PID1: variants seen among roughly 807,000 people sequenced by gnomAD.
PID1 encodes phosphotyrosine interaction domain containing 1.
Under a neutral mutation model 19.1 loss-of-function variants are expected in PID1, and 10 were observed. The observed-to-expected ratio is 0.52, with a 90% CI of 0.32 to 0.89. PID1 has a LOEUF of 0.89. PID1 is among the 40% of genes least tolerant of loss of function. PID1 has a pLI of 0.03. For missense variants in PID1, 248 were observed against 285.3 expected, an observed-to-expected ratio of 0.87 and a Z score of 0.94; for synonymous variants, 130 against 116.0, an observed-to-expected ratio of 1.12 and a Z score of -0.78.
intron 1 of PID1, among the ~76,000 whole-genome samples, chr2:229,184,390 T>C (rs1281294523): frequency 2.6e-5 from 2 of 76,134 alleles, no homozygotes; most frequent in Non-Finnish European, 5.1e-5. Flanking sequence ...CTATCCCGTA[T>C]ATATCTATCC....
At chr2:229,048,451 T>C (rs1031950777) in intron 2 of PID1, among the ~76,000 whole-genome samples, 2 of 152,160 alleles carry the variant, frequency 1.3e-5, no homozygotes, top group Non-Finnish European at 2.9e-5. Flanking sequence ...TGGCATTTAT[T>C]TTTGCTCTCA....
chr2:229,090,803 A>G (rs1385222683), intron 2 of PID1, among the ~76,000 whole-genome samples: 6 of 152,186 alleles, frequency 3.9e-5, no homozygotes, highest in Non-Finnish European at 8.8e-5. Context: ...TCACACATAT[A>G]ATTATTTATT....
At chr2:229,170,375 A>G (rs1038739280) in intron 1 of PID1, among the ~76,000 whole-genome samples, 4 of 152,206 alleles carry the variant, frequency 2.6e-5, no homozygotes, top group Non-Finnish European at 4.4e-5. Flanking sequence ...GTCAGAGCCC[A>G]GATTCTCTAA....
At chr2:229,215,205 C>T (rs1480234163) in intron 1 of PID1, among the ~76,000 whole-genome samples, 1 of 152,220 alleles carries the variant, frequency 6.6e-6, no homozygotes, top group African/African-American at 2.4e-5. Flanking sequence ...GGCAGGGGAA[C>T]TCTAACTATT....
intron 2 of PID1, among the ~76,000 whole-genome samples, chr2:229,031,424 G>A (rs751604403): frequency 6.6e-6 from 1 of 151,714 alleles, no homozygotes; most frequent in Admixed American, 6.6e-5. Flanking sequence ...GGGTGTGGTG[G>A]TGCACGCCTG....
intron 2 of PID1, among the ~76,000 whole-genome samples, chr2:229,071,645 G>A (rs1694456613): frequency 6.6e-6 from 1 of 152,152 alleles, no homozygotes; most frequent in South Asian, 2.1e-4. Context: ...TCTATTTGGT[G>A]TAATTAAAAC....
chr2:229,116,921 A>G (rs1376358239), intron 2 of PID1, among the ~76,000 whole-genome samples: 1 of 152,024 alleles, frequency 6.6e-6, no homozygotes, highest in South Asian at 2.1e-4. Flanking sequence ...TCCCCACCCT[A>G]AACTTTGTCA....
intron 1 of PID1, among the ~76,000 whole-genome samples, chr2:229,183,324 C>G (rs1218904617): frequency 2.0e-5 from 3 of 152,190 alleles, no homozygotes; most frequent in Non-Finnish European, 4.4e-5. Context: ...CTTCCAGCCT[C>G]CCAAACTGTG....
At position 229,111,370 on chromosome 2, in the gene PID1, T is replaced by G. The variant is rs550521621; in HGVS notation, c.177+44448A>C. Among the ~76,000 whole-genome samples the G allele has an allele frequency of 1.9e-3, 297 of 152,312 alleles. 1 individual carries two copies. Among genetic ancestry groups the G allele is most frequent in the Admixed American group, 3.9e-3 (60 of 15,298 alleles). On this transcript the variant is annotated intron_variant, in intron 2 of 2. Transcript: ENST00000392055. Reference sequence around the variant, plus strand: ...CAAATAAAAGTACTGAGGAATGTCCTGTACATCTACATTATAACTATTACA... The same window carrying G: ...CAAATAAAAGTACTGAGGAATGTCCGGTACATCTACATTATAACTATTACA...
intron 1 of PID1, among the ~76,000 whole-genome samples, chr2:229,229,853 T>C (rs1692164929): frequency 1.3e-5 from 2 of 152,252 alleles, no homozygotes; most frequent in Non-Finnish European, 2.9e-5. Context: ...CTTTGCTTCA[T>C]GTACCCTACA....
At chr2:229,215,362 C>T (rs886999893) in intron 1 of PID1, among the ~76,000 whole-genome samples, 2 of 152,214 alleles carry the variant, frequency 1.3e-5, no homozygotes, top group African/African-American at 4.8e-5. Context: ...TGTGAAAGCA[C>T]ATTGCATATT....
At chr2:229,251,432 T>C (rs945222794) in intron 1 of PID1, among the ~76,000 whole-genome samples, 5 of 152,206 alleles carry the variant, frequency 3.3e-5, no homozygotes, top group Non-Finnish European at 5.9e-5. Flanking sequence ...CCACTGTCAG[T>C]ATACCACCCA....
intron 1 of PID1, among the ~76,000 whole-genome samples, chr2:229,232,547 G>A (rs544416566): frequency 6.0e-5 from 9 of 149,014 alleles, no homozygotes; most frequent in East Asian, 2.0e-4. Flanking sequence ...CCTCAACCAC[G>A]TATGCAGAGA....
chr2:229,135,800 G>A (rs1334807157), intron 2 of PID1, among the ~76,000 whole-genome samples: 2 of 152,216 alleles, frequency 1.3e-5, no homozygotes, highest in Non-Finnish European at 2.9e-5. Flanking sequence ...TAAGAGGGGA[G>A]AAGAGCAATC....
At chr2:229,263,676 G>C (rs946675967) in intron 1 of PID1, among the ~76,000 whole-genome samples, 2 of 152,164 alleles carry the variant, frequency 1.3e-5, no homozygotes. Flanking sequence ...CTGGAGAATT[G>C]TTACATCATC....
chr2:229,261,916 A>C (rs889962168), intron 1 of PID1, among the ~76,000 whole-genome samples: 6 of 151,462 alleles, frequency 4.0e-5, no homozygotes, highest in Non-Finnish European at 7.4e-5. Context: ...TTTTGTCTTC[A>C]AAGTGAGTTC....
At chr2:229,253,827 T>C (rs973192154) in intron 1 of PID1, among the ~76,000 whole-genome samples, 2 of 152,190 alleles carry the variant, frequency 1.3e-5, no homozygotes, top group African/African-American at 4.8e-5. Context: ...AGGGAAATGT[T>C]ACCTGTATAT....
chr2:229,216,617 T>A (rs1691852049), intron 1 of PID1, among the ~76,000 whole-genome samples: 1 of 152,068 alleles, frequency 6.6e-6, no homozygotes, highest in African/African-American at 2.4e-5. Context: ...GTTATCAAGC[T>A]CTTAAAAAGT....
intron 1 of PID1, among the ~76,000 whole-genome samples, chr2:229,223,843 T>G (rs1692022602): frequency 6.6e-6 from 1 of 152,216 alleles, no homozygotes; most frequent in African/African-American, 2.4e-5. Flanking sequence ...CTATGTTGCA[T>G]AATGCTGAGG....
Sources: gnomAD v4.1 joint callset for allele counts (sites outside exome capture counted in the v4.1 genomes callset) on GRCh38, gnomAD v4.1.1 for gene constraint, MANE v1.5 for transcripts, NCBI Gene and HGNC (gene_info 2026-07-23, HGNC 2026-07-21) for gene names.